The following TPCN2 variants were observed in gnomAD, a reference collection of about 807,000 sequenced individuals.
TPCN2 encodes the protein two pore channel protein 2.
In TPCN2, 92 loss-of-function variants were observed where a neutral mutation model predicts 111.4. The observed-to-expected ratio is 0.83, with a 90% CI of 0.70 to 0.98. TPCN2 has a LOEUF of 0.98. Ranked by LOEUF, TPCN2 falls within the 50% of genes least tolerant of loss-of-function variation. TPCN2 has a pLI of 0.00. For synonymous variants in TPCN2, 405 were observed against 414.5 expected, an observed-to-expected ratio of 0.98 and a Z score of 0.28; for missense variants, 995 against 980.1, an observed-to-expected ratio of 1.02 and a Z score of -0.20.
chr11:69,086,248 C>T (rs1856268239), intron 22 of TPCN2, among the ~76,000 whole-genome samples: 1 of 152,212 alleles, frequency 6.6e-6, no homozygotes, highest in Non-Finnish European at 1.5e-5. Flanking sequence ...GATAGTTCAG[C>T]TCTGAGCTTG....
intron 8 of TPCN2, among the ~76,000 whole-genome samples, chr11:69,069,194 A>ACCG (rs1199018816): frequency 7.2e-6 from 1 of 139,148 alleles, no homozygotes. Flanking sequence ...CTAGCAAGTG[A>ACCG]CACAGGGGGA....
intron 4 of TPCN2, among the ~76,000 whole-genome samples, chr11:69,056,595 GCAGTCTTGGCT>G (rs1049857030): frequency 2.0e-5 from 3 of 151,974 alleles, no homozygotes; most frequent in African/African-American, 7.2e-5. Context: ...GTGCAGTGGT[GCAGTCTTGGCT>G]CACTGCAACC....
intron 5 of TPCN2, among the ~76,000 whole-genome samples, chr11:69,059,514 G>A (rs974366096): frequency 3.3e-5 from 5 of 152,356 alleles, no homozygotes; most frequent in Admixed American, 3.3e-4. Flanking sequence ...AGACAGCCCC[G>A]CCAAGTGGCC....
chr11:69,061,833 G>A (rs577871451), intron 5 of TPCN2, among the ~76,000 whole-genome samples: 2 of 139,636 alleles, frequency 1.4e-5, no homozygotes, highest in African/African-American at 5.3e-5. Context: ...GAGAGGGCTG[G>A]GGTGGGTTGA....
intron 12 of TPCN2, 99 bp downstream of exon 12, chr11:69,072,807 C>G (rs1220447573): frequency 1.3e-6 from 2 of 1,540,470 alleles, no homozygotes; most frequent in Middle Eastern, 2.1e-4. Flanking sequence ...TTCAGGTCAC[C>G]TGCAGCATTC....
chr11:69,054,314 C>G, intron 2 of TPCN2: 1 of 592,144 alleles, frequency 1.7e-6, no homozygotes, highest in East Asian at 2.8e-5. Flanking sequence ...GCACCGTGTT[C>G]TGAGGCCTGT....
At chr11:69,084,441 G>T (rs112239708) in intron 19 of TPCN2, among the ~76,000 whole-genome samples, 2 of 152,334 alleles carry the variant, frequency 1.3e-5, no homozygotes, top group Non-Finnish European at 2.9e-5. Context: ...GAATTTCAGG[G>T]ACTCACAGCC....
At chr11:69,086,749 C>T (rs1856292356) in intron 23 of TPCN2, 145 bp downstream of exon 23, 2 of 752,144 alleles carry the variant, frequency 2.7e-6, no homozygotes, top group Non-Finnish European at 4.4e-6. Context: ...TGAGGCTGAG[C>T]CCCTCCCGTG....
Position 69,065,507 on chromosome 11 carries a change from G to A in TPCN2, c.726+1540G>A, listed in dbSNP as rs148664451. Among the ~76,000 whole-genome samples the A allele has an allele frequency of 3.5e-3, 530 of 152,328 alleles. 2 individuals are homozygous for A. Among genetic ancestry groups the A allele is most frequent in the African/African-American group, 0.012 (485 of 41,570 alleles). ...GGGGTGCGTGCTTGTCGTGGTCTTG[G>A]CAGGAGTCTGGATCCCTGTCCGAGG... On this transcript the variant is annotated intron_variant, in intron 7 of 24. Transcript: ENST00000294309.
chr11:69,077,790 A>T (rs748977004), intron 13 of TPCN2, among the ~76,000 whole-genome samples: 1 of 152,214 alleles, frequency 6.6e-6, no homozygotes, highest in Admixed American at 6.5e-5. Context: ...CACGTGTCAC[A>T]TGTGGCTGTG....
At chr11:69,059,511 C>T (rs769781408) in intron 5 of TPCN2, among the ~76,000 whole-genome samples, 1 of 152,250 alleles carries the variant, frequency 6.6e-6, no homozygotes, top group African/African-American at 2.4e-5. Context: ...GAGAGACAGC[C>T]CCGCCAAGTG....
rs1374875315 is a variant in TPCN2 at position 69,062,981 on chromosome 11, A to C, written c.644A>C (p.Glu215Ala). The C allele has an allele frequency of 6.2e-7, 1 of 1,613,812 alleles. No individual in the cohort carries two copies. The highest frequency in any genetic ancestry group is 8.5e-7 in the Non-Finnish European group (1 of 1,179,790). The change falls in exon 6 of 25, where the codon GAA becomes GCA. Residue 215 changes from glutamate to alanine, a missense_variant. By Grantham distance (107) the Glu-to-Ala change is moderately radical. Transcript: ENST00000294309. ...AAATGCATCCGCTGGTCGCTGCCGG[A>C]AATGGCCAGGTGGGCTCTTGGTGCT... ...TLKCIRWSLPEMASVGLLLAI... is the reference protein window; with the variant it reads ...TLKCIRWSLPAMASVGLLLAI...
intron 1 of TPCN2, among the ~76,000 whole-genome samples, chr11:69,049,635 C>T (rs1025391959): frequency 1.3e-5 from 2 of 152,064 alleles, no homozygotes; most frequent in Admixed American, 6.5e-5. Flanking sequence ...GGAGTCCTTT[C>T]TTTGTAGGGT....
At chr11:69,057,036 C>T (rs770677662) in intron 4 of TPCN2, among the ~76,000 whole-genome samples, 6 of 152,004 alleles carry the variant, frequency 3.9e-5, no homozygotes, top group Non-Finnish European at 7.4e-5. Context: ...CAGGGTTTCA[C>T]CATGTTGGCA....
At chr11:69,071,505 C>A in intron 10 of TPCN2, 85 bp downstream of exon 10, 1 of 1,255,944 alleles carries the variant, frequency 8.0e-7, no homozygotes, top group Non-Finnish European at 1.1e-6. Context: ...GCTGGGTGAC[C>A]CTTGCTGGCC....
At chr11:69,059,552 G>A (rs1049956046) in intron 5 of TPCN2, among the ~76,000 whole-genome samples, 7 of 152,238 alleles carry the variant, frequency 4.6e-5, no homozygotes, top group African/African-American at 9.6e-5. Flanking sequence ...GCTGTGCCCT[G>A]TGACCCTAAG....
chr11:69,082,323 C>CAT (rs966861040), intron 18 of TPCN2, among the ~76,000 whole-genome samples: 13 of 152,266 alleles, frequency 8.5e-5, no homozygotes, highest in African/African-American at 2.7e-4. Context: ...CATGCACATG[C>CAT]ATATACACAC....
intron 11 of TPCN2, among the ~76,000 whole-genome samples, chr11:69,072,226 G>C (rs1565088894): frequency 6.6e-6 from 1 of 151,766 alleles, no homozygotes; most frequent in East Asian, 1.9e-4. Flanking sequence ...TTGTCTTCGT[G>C]CCCCCCGGGG....
chr11:69,071,326 G>A (rs370804153), intron 9 of TPCN2, 30 bp from the exon 10 acceptor site: 18 of 1,602,398 alleles, frequency 1.1e-5, no homozygotes, highest in South Asian at 2.2e-5. Context: ...TACTGGTGGC[G>A]CCCCTGACCG....
Sources: gnomAD v4.1 joint callset for allele counts (sites outside exome capture counted in the v4.1 genomes callset) on GRCh38, gnomAD v4.1.1 for gene constraint, MANE v1.5 for transcripts, NCBI Gene and HGNC (gene_info 2026-07-23, HGNC 2026-07-21) for gene names.